Variants in LAMA2 observed in about 807,000 individuals in gnomAD.
LAMA2 encodes laminin subunit alpha-2.
LAMA2 carries 269 observed loss-of-function variants against 364.8 expected under a neutral mutation model. The ratio of observed to expected loss-of-function variants is 0.74; its 90% confidence interval spans 0.67 to 0.82. The LOEUF (loss-of-function observed/expected upper bound fraction) is 0.82, where lower values mean the gene tolerates loss of function less well. Ranked by LOEUF, LAMA2 falls within the 40% of genes least tolerant of loss-of-function variation. The pLI is 0.00. For synonymous variants in LAMA2, 1,379 were observed against 1,370.6 expected (o/e 1.01, Z -0.14); for missense variants, 3,807 against 3,873.2 (o/e 0.98, Z 0.45).
intron 1 of LAMA2, among the ~76,000 whole-genome samples, chr6:128,936,819 T>C (rs570156933): frequency 3.9e-4 from 60 of 152,306 alleles, no homozygotes; most frequent in African/African-American, 1.3e-3. Flanking sequence ...TAGGTTATTA[T>C]TGATTTTCTG....
intron 4 of LAMA2, among the ~76,000 whole-genome samples, chr6:129,112,228 G>T (rs1277398132): frequency 6.6e-6 from 1 of 151,910 alleles, no homozygotes; most frequent in Non-Finnish European, 1.5e-5. Context: ...GCTTTTTAAA[G>T]AAAAAATTAT....
intron 37 of LAMA2, among the ~76,000 whole-genome samples, chr6:129,396,275 C>T (rs1209539376): frequency 6.6e-6 from 1 of 152,124 alleles, no homozygotes; most frequent in Admixed American, 6.5e-5. Flanking sequence ...AATTTACAAC[C>T]TCCTGAAAAA....
At position 129,152,965 on chromosome 6, in the gene LAMA2, T is replaced by C. The variant is rs557843393; in HGVS notation, c.1028-1540T>C. Reference sequence around the variant, plus strand: ...TAGAATAAATAAAAAGATTGAGCTGTATGCATACAAGCACACCTACACACA... The same window carrying C: ...TAGAATAAATAAAAAGATTGAGCTGCATGCATACAAGCACACCTACACACA... On this transcript the variant is annotated intron_variant, in intron 7 of 64. Transcript: ENST00000421865. Among the ~76,000 whole-genome samples the C allele has an allele frequency of 3.9e-5, 6 of 152,024 alleles. No individual in the cohort carries two copies. In the South Asian group the frequency reaches 1.3e-3, roughly 32 times the overall value.
At chr6:129,273,614 G>A (rs265395) in intron 17 of LAMA2, among the ~76,000 whole-genome samples, 119,194 of 152,034 alleles carry the variant, frequency 0.78, 47,574 homozygotes, top group East Asian at 0.87. Flanking sequence ...CTCTTTATTT[G>A]TTGTGCATTT....
At position 129,192,784 on chromosome 6, in the gene LAMA2, C is replaced by T. The variant is rs755646653; in HGVS notation, c.1713C>T (p.Asn571=). The T allele has an allele frequency of 5.0e-6, 8 of 1,614,026 alleles. No individual in the cohort carries two copies. The African/African-American group carries it at 5.3e-5, about 11-fold the overall frequency. ...LDSPQQISIS[N]AEARQALPHS... is the part of the protein sequence containing the mutation. ...CACCTCAGCAGATCAGCATCAGTAA[C>T]GCGGAGGCCCGGCAAGCCCTGCCGC... Residue 571 remains asparagine, a synonymous_variant, in exon 12 of 65, where the codon AAC becomes AAT. Coordinates refer to ENST00000421865, the MANE Select transcript of LAMA2 (RefSeq NM_000426.4).
At chr6:129,397,800 C>T (rs774905930) in intron 37 of LAMA2, among the ~76,000 whole-genome samples, 1 of 151,712 alleles carries the variant, frequency 6.6e-6, no homozygotes, top group Non-Finnish European at 1.5e-5. Context: ...ATTAGCCAGG[C>T]GTGGTGGCAG....
chr6:129,057,004 A>T (rs1252721743), intron 2 of LAMA2, among the ~76,000 whole-genome samples: 1 of 151,580 alleles, frequency 6.6e-6, no homozygotes, highest in African/African-American at 2.4e-5. Flanking sequence ...AAGTGCTGGG[A>T]TTACAGGTGT....
chr6:129,250,184 C>A lies in LAMA2; in HGVS notation c.1855C>A (p.Arg619Ser), dbSNP rs775316325. The A allele has an allele frequency of 6.9e-6, 11 of 1,601,760 alleles. No individual in the cohort carries two copies. The highest frequency in any genetic ancestry group is 1.1e-5 in the South Asian group (1 of 90,804). ...TGAAGAAGAGGAAGAAGATACAGAA[C>A]GTGTTCTCCAGCTTATGATTATCTT... ...DLEEEEEDTE[R>S]VLQLMIILEG... The change falls in exon 13 of 65, where the codon CGT becomes AGT. Residue 619 changes from arginine to serine, a missense_variant. Physicochemically the swap from Arg to Ser is moderately radical, Grantham distance 110. Around this residue, in one of 3 missense-constraint regions of LAMA2, gnomAD observed 3,333 missense variants for 3,345.7 expected, o/e 1.00. Transcript: ENST00000421865.
rs142699072 is a variant in LAMA2 at position 129,409,459 on chromosome 6, G to A, written c.5865+5500G>A. ...GATCATGTATATACCACTTACAGTT[G>A]ATGATGGAAGGCTGCTGTGTATGCC... On this transcript the variant is annotated intron_variant, in intron 40 of 64. Coordinates refer to ENST00000421865, the MANE Select transcript of LAMA2 (RefSeq NM_000426.4). 4.7e-4 allele frequency among the ~76,000 whole-genome samples: 72 copies of A among 152,348 alleles called. 1 individual carries two copies. In the East Asian group the frequency reaches 6.9e-3, roughly 15 times the overall value.
intron 46 of LAMA2, 33 bp from the exon 47 acceptor site, chr6:129,454,122 G>C (rs1782832476): frequency 2.5e-6 from 4 of 1,601,378 alleles, no homozygotes; most frequent in Non-Finnish European, 2.6e-6. Flanking sequence ...CTTTATATCT[G>C]ATATCTCTTG....
chr6:129,023,137 A>G (rs1173083708), intron 1 of LAMA2, among the ~76,000 whole-genome samples: 1 of 152,170 alleles, frequency 6.6e-6, no homozygotes, highest in Non-Finnish European at 1.5e-5. Flanking sequence ...GGTGGCAATC[A>G]GCATTCAGTT....
chr6:129,225,463 G>A lies in LAMA2; in HGVS notation c.1783-24649G>A, dbSNP rs938418382. ...TTGGATCTTTCCTGCTTTCTCTTGT[G>A]GGCATTTAGTGCTATAAATTTCCCT... On this transcript the variant is annotated intron_variant, in intron 12 of 64. Coordinates refer to ENST00000421865, the MANE Select transcript of LAMA2 (RefSeq NM_000426.4). Among the ~76,000 whole-genome samples the A allele has an allele frequency of 2.0e-4, 31 of 152,010 alleles. 1 individual carries two copies. The highest frequency in any genetic ancestry group is 6.6e-5 in the Admixed American group (1 of 15,250).
intron 3 of LAMA2, among the ~76,000 whole-genome samples, chr6:129,066,754 G>A (rs1352180678): frequency 2.0e-5 from 3 of 152,124 alleles, no homozygotes; most frequent in Non-Finnish European, 2.9e-5. Flanking sequence ...TAGAATAGGA[G>A]CCCAGAAATA....
intron 12 of LAMA2, among the ~76,000 whole-genome samples, chr6:129,202,200 A>G (rs112742709): frequency 4.0e-5 from 6 of 150,510 alleles, no homozygotes; most frequent in African/African-American, 7.3e-5. Context: ...AAAAAAAAAA[A>G]AAAAAAAAAG....
At chr6:129,351,791 TAAG>T (rs1180100963) in intron 31 of LAMA2, among the ~76,000 whole-genome samples, 1 of 152,358 alleles carries the variant, frequency 6.6e-6, no homozygotes, top group African/African-American at 2.4e-5. Flanking sequence ...CTATAAATGT[TAAG>T]AAGCCATTTA....
At position 129,148,327 on chromosome 6, in the gene LAMA2, G is replaced by A. The variant is rs571676488; in HGVS notation, c.910-652G>A. Among the ~76,000 whole-genome samples, 20 of 152,116 alleles carry A rather than the reference G, an allele frequency of 1.3e-4. No homozygotes were observed. The East Asian group carries it at 3.9e-3, about 30-fold the overall frequency. The stretch of plus-strand genomic sequence containing the variant: ...ATGAGAACACATGGACTCAAGGAGG[G>A]GAACAACACACACCAGGGCCTATCA... On this transcript the variant is annotated intron_variant, in intron 6 of 64. Transcript: ENST00000421865.
In LAMA2 at chr6:129,313,016, C is replaced by G. The variant is rs778158710; in HGVS notation, c.3330C>G (p.Leu1110=). The G allele has an allele frequency of 1.8e-5, 29 of 1,614,050 alleles. No homozygotes were observed. Among genetic ancestry groups the G allele is most frequent in the Non-Finnish European group, 2.5e-5 (29 of 1,180,028 alleles). ...GCTGCAATCTCTGTGACTGCTTCCT[C>G]CCTGGGACAGATGCCACAACCTGTG... is the stretch of plus-strand genomic sequence containing the variant. The part of the protein sequence containing the change: ...YPRCNLCDCF[L]PGTDATTCDS... Residue 1110 remains leucine (L), a synonymous_variant, in exon 23 of 65, where the codon CTC becomes CTG. Transcript: ENST00000421865.
At chr6:129,093,379 G>A (rs1408073622) in intron 3 of LAMA2, among the ~76,000 whole-genome samples, 2 of 151,904 alleles carry the variant, frequency 1.3e-5, no homozygotes, top group African/African-American at 4.8e-5. Flanking sequence ...ATGGGTATAG[G>A]TGAGCTAAGA....
intron 29 of LAMA2, among the ~76,000 whole-genome samples, chr6:129,337,195 T>C (rs1415609183): frequency 6.6e-6 from 1 of 152,204 alleles, no homozygotes; most frequent in African/African-American, 2.4e-5. Flanking sequence ...TCATGTGAAG[T>C]AAGAGTCCTT....
Sources: gnomAD v4.1 joint callset for allele counts (sites outside exome capture counted in the v4.1 genomes callset) on GRCh38, gnomAD v4.1.1 for gene constraint, gnomAD v4.1.1 regional missense constraint, MANE v1.5 for transcripts, NCBI Gene and HGNC (gene_info 2026-07-23, HGNC 2026-07-21) for gene names.